The following HINT3 variants were observed in gnomAD, a reference collection of about 807,000 sequenced individuals.
The protein encoded by HINT3 is adenosine 5'-monophosphoramidase HINT3.
In HINT3, 16 loss-of-function variants were observed where a neutral mutation model predicts 19.1. That is an observed-to-expected ratio of 0.84 (90% CI 0.57 to 1.27). The LOEUF is 1.27. HINT3 is among the 50% of genes most tolerant of loss of function. HINT3 has a pLI of 0.00. For missense variants in HINT3, 197 were observed against 225.8 expected (o/e 0.87, Z 0.82); for synonymous variants, 75 against 84.8 (o/e 0.88, Z 0.63).
chr6:125,957,314 G>C, intron 1 of HINT3, 136 bp downstream of exon 1: 2 of 936,498 alleles, frequency 2.1e-6, no homozygotes, highest in South Asian at 3.4e-5. Flanking sequence ...GGGCCGCTCT[G>C]TGTGGATGGG....
chr6:125,972,807 C>G (rs992452483), intron 3 of HINT3, among the ~76,000 whole-genome samples: 1 of 152,136 alleles, frequency 6.6e-6, no homozygotes, highest in African/African-American at 2.4e-5. Context: ...CCAGGCTTGT[C>G]TCAAACTCCT....
intron 2 of HINT3, among the ~76,000 whole-genome samples, chr6:125,968,062 TG>T (rs1789042919): frequency 1.3e-5 from 2 of 152,358 alleles, no homozygotes; most frequent in Admixed American, 1.3e-4. Context: ...GTTTATTACG[TG>T]GGTATATTGT....
chr6:125,974,985 T>G lies in HINT3; in HGVS notation c.516+12T>G. 1.9e-6 allele frequency: 3 copies of G among 1,612,454 alleles called. No individual in the cohort carries two copies. Among genetic ancestry groups the G allele is most frequent in the Non-Finnish European group, 2.5e-6 (3 of 1,179,030 alleles). On this transcript the variant is annotated intron_variant, in intron 4 of 4. Transcript: ENST00000229633. The stretch of plus-strand genomic sequence containing the variant: ...ATTGGTTTATCACAGTGAGTATTCT[T>G]GTTATGTCAGCAGCATACAAAAATA...
intron 1 of HINT3, among the ~76,000 whole-genome samples, chr6:125,964,628 G>A (rs1445257611): frequency 1.3e-5 from 2 of 151,970 alleles, no homozygotes; most frequent in Non-Finnish European, 2.9e-5. Context: ...ATACTCCATT[G>A]TGTGGATTTG....
intron 3 of HINT3, among the ~76,000 whole-genome samples, chr6:125,973,531 A>G (rs374818353): frequency 6.0e-4 from 91 of 152,274 alleles, no homozygotes; most frequent in Middle Eastern, 3.4e-3. Flanking sequence ...CATCCATGCT[A>G]CTTGTGGTGT....
At chr6:125,958,753 C>T (rs951828991) in intron 1 of HINT3, among the ~76,000 whole-genome samples, 6 of 152,100 alleles carry the variant, frequency 3.9e-5, no homozygotes, top group Admixed American at 6.5e-5. Flanking sequence ...CTAGGGGTTG[C>T]TTCTGGGACC....
At chr6:125,962,184 A>G (rs1788937434) in intron 1 of HINT3, among the ~76,000 whole-genome samples, 1 of 82,366 alleles carries the variant, frequency 1.2e-5, no homozygotes, top group Non-Finnish European at 2.1e-5. Flanking sequence ...ATATATATAT[A>G]TACACATATA....
At chr6:125,957,993 A>G (rs1788865087) in intron 1 of HINT3, among the ~76,000 whole-genome samples, 1 of 152,172 alleles carries the variant, frequency 6.6e-6, no homozygotes, top group Non-Finnish European at 1.5e-5. Flanking sequence ...CGATTTTACA[A>G]TCTAAAGGGC....
chr6:125,974,399 G>GAA (rs148287713), intron 3 of HINT3, among the ~76,000 whole-genome samples: 7 of 152,150 alleles, frequency 4.6e-5, no homozygotes, highest in African/African-American at 1.7e-4. Flanking sequence ...GGTTTGGTGG[G>GAA]AAATGTCTGA....
intron 2 of HINT3, among the ~76,000 whole-genome samples, chr6:125,970,746 A>G (rs1329892713): frequency 6.6e-6 from 1 of 152,222 alleles, no homozygotes; most frequent in Non-Finnish European, 1.5e-5. Context: ...ATGTTCACCA[A>G]AGTTGACCAT....
chr6:125,970,575 A>G (rs999244727), intron 2 of HINT3, among the ~76,000 whole-genome samples: 3 of 152,154 alleles, frequency 2.0e-5, no homozygotes, highest in Non-Finnish European at 2.9e-5. Context: ...GAATATTTCC[A>G]TACTAAAAGT....
chr6:125,966,488 A>C (rs1241343714), intron 1 of HINT3, among the ~76,000 whole-genome samples: 1 of 152,192 alleles, frequency 6.6e-6, no homozygotes, highest in South Asian at 2.1e-4. Context: ...GTTGGGAAAA[A>C]AATTAAATGT....
At chr6:125,966,124 T>A (rs1789014439) in intron 1 of HINT3, among the ~76,000 whole-genome samples, 1 of 152,216 alleles carries the variant, frequency 6.6e-6, no homozygotes, top group Admixed American at 6.5e-5. Context: ...AATAAGATAT[T>A]CACTATCAGA....
intron 2 of HINT3, among the ~76,000 whole-genome samples, chr6:125,967,611 T>A (rs1789037962): frequency 6.6e-6 from 1 of 152,138 alleles, no homozygotes; most frequent in Non-Finnish European, 1.5e-5. Context: ...GGATTACAGG[T>A]GTGAGCCACC....
rs149094456 is a variant in HINT3, at chr6:125,975,581, G to GTTTTTTTTTTTTT, written c.516+610_516+611insTTTTTTTTTTTTT. On this transcript the variant is annotated intron_variant, in intron 4 of 4. Transcript: ENST00000229633. ...CACCTATCAGATCTGTGGCTGAAGA[G>GTTTTTTTTTTTTT]TTGTTTTTTTTTTTTTTGAGACAGT... Among the ~76,000 whole-genome samples the GTTTTTTTTTTTTT allele has an allele frequency of 2.1e-5, 3 of 143,616 alleles. 1 individual carries two copies. Among genetic ancestry groups the GTTTTTTTTTTTTT allele is most frequent in the African/African-American group, 7.9e-5 (3 of 38,214 alleles). The allele number at this position is 143,616 out of a possible 152,430, so 94.2% of individuals were successfully genotyped here.
intron 2 of HINT3, among the ~76,000 whole-genome samples, chr6:125,968,759 G>A (rs1314485648): frequency 6.6e-6 from 1 of 152,056 alleles, no homozygotes; most frequent in Non-Finnish European, 1.5e-5. Context: ...ATTTCCTGAT[G>A]ATTAGTGATG....
chr6:125,969,361 TG>T (rs1478527523), intron 2 of HINT3, among the ~76,000 whole-genome samples: 2 of 152,232 alleles, frequency 1.3e-5, no homozygotes, highest in Admixed American at 1.3e-4. Flanking sequence ...TCTGTTGGTC[TG>T]TGTGTCTGTT....
At chr6:125,959,504 T>G (rs905864019) in intron 1 of HINT3, among the ~76,000 whole-genome samples, 1 of 152,242 alleles carries the variant, frequency 6.6e-6, no homozygotes, top group Non-Finnish European at 1.5e-5. Context: ...AGAGCAGGAC[T>G]GGTTGTGTCC....
chr6:125,966,478 G>T (rs937582440), intron 1 of HINT3, among the ~76,000 whole-genome samples: 1 of 152,160 alleles, frequency 6.6e-6, no homozygotes, highest in Non-Finnish European at 1.5e-5. Context: ...AAAATGCTAC[G>T]TTGGGAAAAA....
Sources: allele counts gnomAD v4.1 joint callset (sites outside exome capture counted in the v4.1 genomes callset), GRCh38; gene constraint gnomAD v4.1.1; transcripts MANE v1.5; gene names NCBI Gene and HGNC (gene_info 2026-07-23, HGNC 2026-07-21).